The following LMNTD1 variants were observed in gnomAD, a reference collection of about 807,000 sequenced individuals.
LMNTD1 encodes lamin tail domain containing 1.
In LMNTD1, 35 loss-of-function variants were observed where a neutral mutation model predicts 50.9. That is an observed-to-expected ratio of 0.69 (90% CI 0.53 to 0.91). The LOEUF (loss-of-function observed/expected upper bound fraction) is 0.91. LMNTD1 is among the 40% of genes least tolerant of loss of function. The pLI, the probability that LMNTD1 is intolerant of heterozygous loss-of-function variation, is 0.00. For synonymous variants in LMNTD1, 153 were observed against 161.9 expected, an observed-to-expected ratio of 0.94 and a Z score of 0.42; for missense variants, 470 against 475.5, an observed-to-expected ratio of 0.99 and a Z score of 0.11.
At chr12:25,608,792 A>T (rs961948876) in intron 1 of LMNTD1, among the ~76,000 whole-genome samples, 1 of 152,074 alleles carries the variant, frequency 6.6e-6, no homozygotes, top group East Asian at 1.9e-4. Context: ...TCTAACAATT[A>T]TGTGTCTTGG....
rs1238596326 is a variant in LMNTD1, at chr12:25,648,386, T to A, written c.58+108A>T. 4 of 854,984 alleles carry A rather than the reference T, an allele frequency of 4.7e-6. No homozygotes were observed. The African/African-American group carries it at 6.7e-5, about 14-fold the overall frequency. 53.0% of individuals were successfully genotyped at this position (854,984 alleles called of 1,614,324 possible). ...AAAAATTGTTCTTATATCTCAGTGA[T>A]GACAGATATGACCACTTTCTAAAGT... On this transcript the variant is annotated intron_variant, in intron 1 of 7. Coordinates refer to the LMNTD1 transcript ENST00000445693.
At position 25,553,234 on chromosome 12, in the gene LMNTD1, G is replaced by A; in HGVS notation, c.-196C>T. On this transcript the variant is annotated 5_prime_UTR_variant, in exon 1 of 10. Transcript: ENST00000458174. ...ATGGTGCAGGTGTGTAGCATTCACT[G>A]GAAGCAGCTTGAGAGGGCAGTAACT... The A allele has an allele frequency of 3.3e-6, 5 of 1,492,668 alleles. No individual in the cohort carries two copies. Among genetic ancestry groups the A allele is most frequent in the Non-Finnish European group, 4.4e-6 (5 of 1,124,686 alleles). The allele number at this position is 1,492,668 out of a possible 1,614,324, so 92.5% of individuals were successfully genotyped here. A position where few individuals can be genotyped will look rare whatever the true frequency, so the allele number is the denominator to read the frequency against.
intron 1 of LMNTD1, among the ~76,000 whole-genome samples, chr12:25,613,029 G>C (rs1378408759): frequency 6.6e-6 from 1 of 152,130 alleles, no homozygotes; most frequent in Non-Finnish European, 1.5e-5. Flanking sequence ...CATGGAACGA[G>C]GACAGATTCC....
At chr12:25,481,865 T>TCA (rs138084240) in intron 9 of LMNTD1, among the ~76,000 whole-genome samples, 50,719 of 132,318 alleles carry the variant, frequency 0.38, 9,946 homozygotes, top group Non-Finnish European at 0.46. Flanking sequence ...TATTGCCTCT[T>TCA]CACACACACA....
chr12:25,485,106 T>A (rs1008124192), intron 9 of LMNTD1, among the ~76,000 whole-genome samples: 1 of 148,482 alleles, frequency 6.7e-6, no homozygotes, highest in Non-Finnish European at 1.5e-5. Context: ...GTTGAACTAG[T>A]TTACAGTCCC....
chr12:25,531,208 T>C (rs1279466316), intron 4 of LMNTD1, among the ~76,000 whole-genome samples: 1 of 152,196 alleles, frequency 6.6e-6, no homozygotes, highest in East Asian at 1.9e-4. Context: ...ACTTTGACCT[T>C]GTAAGACTCT....
chr12:25,640,499 G>A (rs1347992076), intron 1 of LMNTD1, among the ~76,000 whole-genome samples: 2 of 137,720 alleles, frequency 1.5e-5, no homozygotes, highest in Non-Finnish European at 3.0e-5. Flanking sequence ...GAGTGAGACT[G>A]TCTCAAAAAA....
intron 9 of LMNTD1, among the ~76,000 whole-genome samples, chr12:25,491,654 A>G (rs1938888365): frequency 6.6e-6 from 1 of 152,186 alleles, no homozygotes; most frequent in African/African-American, 2.4e-5. Context: ...GTGCTGGAGG[A>G]TTTGAGGTGG....
chr12:25,518,601 T>C (rs748505434), intron 8 of LMNTD1, among the ~76,000 whole-genome samples, 194 bp downstream of exon 8: 16 of 152,222 alleles, frequency 1.1e-4, no homozygotes, highest in Non-Finnish European at 1.9e-4. Context: ...GATGTTTATC[T>C]AGCACAGTGG....
At chr12:25,621,170 G>A (rs539654597) in intron 1 of LMNTD1, among the ~76,000 whole-genome samples, 11 of 152,182 alleles carry the variant, frequency 7.2e-5, no homozygotes, top group Non-Finnish European at 1.6e-4. Context: ...GTTAACACAT[G>A]TTAACTAATA....
chr12:25,579,920 T>C (rs1312135975), intron 1 of LMNTD1, among the ~76,000 whole-genome samples: 1 of 152,180 alleles, frequency 6.6e-6, no homozygotes, highest in Admixed American at 6.5e-5. Flanking sequence ...CCCCACAAAT[T>C]ATCTCAAGCA....
At chr12:25,636,568 G>A (rs1946840026) in intron 1 of LMNTD1, among the ~76,000 whole-genome samples, 1 of 152,222 alleles carries the variant, frequency 6.6e-6, no homozygotes, top group Non-Finnish European at 1.5e-5. Context: ...GTGGAAAACA[G>A]TGTGGAGATT....
chr12:25,558,606 C>T (rs898062618), intron 1 of LMNTD1, among the ~76,000 whole-genome samples: 4 of 152,210 alleles, frequency 2.6e-5, no homozygotes. Context: ...ATATCCGACA[C>T]TGGGTAATTT....
chr12:25,564,564 T>C (rs1044174565), intron 1 of LMNTD1, among the ~76,000 whole-genome samples: 6 of 152,222 alleles, frequency 3.9e-5, no homozygotes, highest in Non-Finnish European at 5.9e-5. Flanking sequence ...GCTTGATTTA[T>C]AGTTTTATTC....
intron 1 of LMNTD1, among the ~76,000 whole-genome samples, chr12:25,633,486 C>T (rs1424211648): frequency 6.6e-6 from 1 of 152,136 alleles, no homozygotes; most frequent in Non-Finnish European, 1.5e-5. Context: ...TCTGTCAGAC[C>T]ACAGTGGAAT....
chr12:25,644,955 C>G (rs989336050), intron 1 of LMNTD1, among the ~76,000 whole-genome samples: 2 of 152,094 alleles, frequency 1.3e-5, no homozygotes, highest in African/African-American at 4.8e-5. Flanking sequence ...TCTAAGTCAT[C>G]AGCTATGAAT....
In LMNTD1 at chr12:25,546,502, C is replaced by T. The variant is rs138534907; in HGVS notation, c.363G>A (p.Gly121=). ...PKKQDESPMI[G]DGEDYFLSLF... The stretch of plus-strand genomic sequence containing the variant: ...AAGAAAGGAAATAATCTTCTCCATC[C>T]CCAATCATGGGTGATTCATCCTGTT... Residue 121 remains glycine, a synonymous_variant, in exon 4 of 10, where the codon GGG becomes GGA. Transcript: ENST00000458174. 1.1e-3 allele frequency: 1,769 copies of T among 1,590,694 alleles called. 15 individuals are homozygous for T. The East Asian group carries it at 0.02, about 18-fold the overall frequency.
intron 1 of LMNTD1, among the ~76,000 whole-genome samples, chr12:25,635,252 G>GAAA (rs61645838): frequency 0.071 from 9,038 of 127,808 alleles, 365 homozygotes; most frequent in East Asian, 0.13. Context: ...AAAAAAAAAA[G>GAAA]AAAAAAAAAA....
chr12:25,625,749 G>A (rs1169481045), intron 1 of LMNTD1, among the ~76,000 whole-genome samples: 1 of 152,168 alleles, frequency 6.6e-6, no homozygotes, highest in Non-Finnish European at 1.5e-5. Context: ...CCTGGCTGGG[G>A]TTTGTTGAAA....
Sources: gnomAD v4.1 joint callset for allele counts (sites outside exome capture counted in the v4.1 genomes callset) on GRCh38, gnomAD v4.1.1 for gene constraint, MANE v1.5 for transcripts, NCBI Gene and HGNC (gene_info 2026-07-23, HGNC 2026-07-21) for gene names.